DAAM1: variants seen among roughly 807,000 people sequenced by gnomAD.
The protein encoded by DAAM1 is disheveled-associated activator of morphogenesis 1.
A neutral mutation model predicts 130.0 loss-of-function variants in DAAM1; 52 were observed. That is an observed-to-expected ratio of 0.40 (90% confidence interval 0.32 to 0.50). The LOEUF (loss-of-function observed/expected upper bound fraction) is 0.50, where lower values mean the gene tolerates loss of function less well. DAAM1 is among the 20% of genes least tolerant of loss of function. The pLI is 0.61. For synonymous variants in DAAM1, 452 were observed against 444.5 expected (o/e 1.02, Z -0.21); for missense variants, 1,134 against 1,303.8 (o/e 0.87, Z 2.01).
intron 16 of DAAM1, among the ~76,000 whole-genome samples, chr14:59,345,564 CA>C (rs1395366057): frequency 6.6e-6 from 1 of 152,140 alleles, no homozygotes; most frequent in Non-Finnish European, 1.5e-5. Flanking sequence ...ATGGTTTTAA[CA>C]TAATCGGGTC....
intron 1 of DAAM1, among the ~76,000 whole-genome samples, chr14:59,193,497 G>A (rs1270697934): frequency 2.6e-5 from 4 of 152,186 alleles, no homozygotes; most frequent in African/African-American, 9.6e-5. Context: ...TGTTCTAGGA[G>A]CAGGGGGAGA....
chr14:59,367,336 A>G, intron 23 of DAAM1, 93 bp from the exon 24 acceptor site: 3 of 1,489,146 alleles, frequency 2.0e-6, no homozygotes, highest in Non-Finnish European at 2.7e-6. Flanking sequence ...CTTACGTTTG[A>G]CTCAATCTGG....
At chr14:59,324,079 A>T in intron 6 of DAAM1, 49 bp from the exon 7 acceptor site, 1 of 1,175,204 alleles carries the variant, frequency 8.5e-7, no homozygotes, top group Non-Finnish European at 1.1e-6. Context: ...TCATAAAATG[A>T]GCATAAGGTT....
chr14:59,283,266 G>A, intron 2 of DAAM1, among the ~76,000 whole-genome samples: 1 of 152,276 alleles, frequency 6.6e-6, no homozygotes, highest in African/African-American at 2.4e-5. Flanking sequence ...TTGTTGAGAA[G>A]TGATTTATGT....
chr14:59,360,924 T>C, intron 22 of DAAM1, 62 bp downstream of exon 22: 1 of 1,485,744 alleles, frequency 6.7e-7, no homozygotes, highest in Admixed American at 1.7e-5. Flanking sequence ...GTGCTGGTGG[T>C]TTTCAGCAGA....
At chr14:59,358,174 T>G (rs910135490) in intron 20 of DAAM1, among the ~76,000 whole-genome samples, 1 of 152,212 alleles carries the variant, frequency 6.6e-6, no homozygotes, top group Non-Finnish European at 1.5e-5. Flanking sequence ...TGACTCCACC[T>G]CATTCCAATT....
chr14:59,362,020 T>C (rs1182019279), intron 22 of DAAM1, among the ~76,000 whole-genome samples: 1 of 27,760 alleles, frequency 3.6e-5, no homozygotes, highest in Non-Finnish European at 7.5e-5. Context: ...GTTTTTTTCC[T>C]TTTTTTTTTT....
At chr14:59,251,242 G>T (rs1179529878) in intron 1 of DAAM1, among the ~76,000 whole-genome samples, 1 of 152,172 alleles carries the variant, frequency 6.6e-6, no homozygotes, top group East Asian at 1.9e-4. Context: ...GAATGTATCT[G>T]CAGGTCAAAT....
intron 2 of DAAM1, among the ~76,000 whole-genome samples, chr14:59,287,463 G>A (rs79099225): frequency 1.3e-5 from 2 of 152,072 alleles, no homozygotes; most frequent in Admixed American, 6.6e-5. Flanking sequence ...GAAATAAAAG[G>A]CTTCAAAATA....
intron 1 of DAAM1, among the ~76,000 whole-genome samples, chr14:59,258,615 G>A (rs1398039766): frequency 1.3e-5 from 2 of 152,230 alleles, no homozygotes; most frequent in African/African-American, 4.8e-5. Flanking sequence ...AAGGTGGGCA[G>A]GTTCTTCTGA....
At chr14:59,260,747 C>T (rs1229963703) in intron 1 of DAAM1, among the ~76,000 whole-genome samples, 2 of 152,136 alleles carry the variant, frequency 1.3e-5, no homozygotes, top group African/African-American at 4.8e-5. Context: ...CATTTTAAGA[C>T]TTTGATAAAT....
intron 1 of DAAM1, among the ~76,000 whole-genome samples, chr14:59,225,730 G>A (rs2139434895): frequency 6.6e-6 from 1 of 152,290 alleles, no homozygotes; most frequent in East Asian, 1.9e-4. Flanking sequence ...AGCCCTGCTG[G>A]TACAGATTCT....
At chr14:59,322,399 G>A (rs1166819188) in intron 5 of DAAM1, among the ~76,000 whole-genome samples, 1 of 151,868 alleles carries the variant, frequency 6.6e-6, no homozygotes, top group Non-Finnish European at 1.5e-5. Flanking sequence ...GCACGCACCT[G>A]TAGTCCCGGC....
At chr14:59,281,524 T>TGGA (rs59666401) in intron 2 of DAAM1, among the ~76,000 whole-genome samples, 1,793 of 150,216 alleles carry the variant, frequency 0.012, 35 homozygotes, top group African/African-American at 0.03. Flanking sequence ...GTGCTGCTGT[T>TGGA]GGAGGAGGAG....
At chr14:59,317,109 T>C (rs998070780) in intron 4 of DAAM1, among the ~76,000 whole-genome samples, 1 of 152,228 alleles carries the variant, frequency 6.6e-6, no homozygotes, top group Non-Finnish European at 1.5e-5. Flanking sequence ...TTAACTGCTG[T>C]GTGTTTGGTT....
At chr14:59,232,166 A>C (rs1889129886) in intron 1 of DAAM1, among the ~76,000 whole-genome samples, 1 of 152,184 alleles carries the variant, frequency 6.6e-6, no homozygotes, top group South Asian at 2.1e-4. Context: ...AGCCTATTCA[A>C]GTCTGGTTAT....
intron 2 of DAAM1, among the ~76,000 whole-genome samples, chr14:59,289,239 G>A (rs1883608393): frequency 6.6e-6 from 1 of 152,164 alleles, no homozygotes; most frequent in Admixed American, 6.5e-5. Context: ...TAAACCATCA[G>A]ATCTAATAGG....
At chr14:59,339,300 G>C (rs775202568) in intron 15 of DAAM1, among the ~76,000 whole-genome samples, 2 of 152,156 alleles carry the variant, frequency 1.3e-5, no homozygotes, top group African/African-American at 2.4e-5. Flanking sequence ...GATTCTCACT[G>C]CTAATGAAAT....
At chr14:59,205,586 C>CT (rs1169388054) in intron 1 of DAAM1, among the ~76,000 whole-genome samples, 2 of 152,080 alleles carry the variant, frequency 1.3e-5, no homozygotes, top group East Asian at 3.8e-4. Context: ...GAAATAATTG[C>CT]TTTTTTACAG....
Sources: allele counts gnomAD v4.1 joint callset (sites outside exome capture counted in the v4.1 genomes callset), GRCh38; gene constraint gnomAD v4.1.1; transcripts MANE v1.5; gene names NCBI Gene and HGNC (gene_info 2026-07-23, HGNC 2026-07-21).